PLXNA4: variants seen among roughly 807,000 people sequenced by gnomAD.
PLXNA4 encodes the protein plexin-A4.
A neutral mutation model predicts 191.8 loss-of-function variants in PLXNA4; 44 were observed. That is an observed-to-expected ratio of 0.23 (90% confidence interval 0.18 to 0.29). The LOEUF (loss-of-function observed/expected upper bound fraction) is 0.29. Among genes scored for constraint, PLXNA4 ranks in the 10% least tolerant of loss-of-function variants. The probability of loss-of-function intolerance (pLI) is 1.00; values close to 1 mark genes in which losing one functional copy is unlikely to be tolerated. For synonymous variants in PLXNA4, 1,082 were observed against 1,009.5 expected (o/e 1.07, Z -1.36); for missense variants, 1,800 against 2,488.8 (o/e 0.72, Z 5.89).
At chr7:132,281,852 C>G (rs1216097172) in intron 4 of PLXNA4, among the ~76,000 whole-genome samples, 1 of 152,126 alleles carries the variant, frequency 6.6e-6, no homozygotes, top group Admixed American at 6.6e-5. Context: ...CTGTGTTGTA[C>G]AAAAAATTTC....
At chr7:132,371,342 G>T (rs1804431139) in intron 3 of PLXNA4, among the ~76,000 whole-genome samples, 1 of 152,162 alleles carries the variant, frequency 6.6e-6, no homozygotes, top group Admixed American at 6.5e-5. Flanking sequence ...GATGGCCCAA[G>T]ACCCTCAAAG....
Position 132,385,077 on chromosome 7 carries a change from A to G in PLXNA4, c.1372-86855T>C. On this transcript the variant is annotated intron_variant, in intron 3 of 31. Coordinates refer to ENST00000321063, the MANE Select transcript of PLXNA4 (RefSeq NM_020911.2). ...GACTTGGGGTGGCAGGACATGAGCT[A>G]TGATGTATGGCTGGGGTCACAGGGA... 16 of 1,536,912 alleles carry G rather than the reference A, an allele frequency of 1.0e-5. No homozygotes were observed. The South Asian group carries it at 1.1e-4, about 10-fold the overall frequency.
At chr7:132,268,217 C>A (rs796756824) in intron 4 of PLXNA4, among the ~76,000 whole-genome samples, 21 of 152,258 alleles carry the variant, frequency 1.4e-4, no homozygotes, top group African/African-American at 5.1e-4. Flanking sequence ...AGCTCCCTAA[C>A]CTGTCATGAC....
chr7:132,149,709 T>C (rs1795539161), intron 25 of PLXNA4, among the ~76,000 whole-genome samples: 1 of 152,232 alleles, frequency 6.6e-6, no homozygotes, highest in African/African-American at 2.4e-5. Flanking sequence ...CAAAGAATGC[T>C]GGGCTCGTTC....
chr7:132,477,375 G>T (rs767447627), intron 3 of PLXNA4, among the ~76,000 whole-genome samples: 3 of 152,140 alleles, frequency 2.0e-5, no homozygotes, highest in Non-Finnish European at 4.4e-5. Context: ...ACCACGGCAC[G>T]GTTCTGCCAT....
At position 132,146,516 on chromosome 7, in the gene PLXNA4, G is replaced by A. The variant is rs574932804; in HGVS notation, c.5049C>T (p.Ala1683=). The stretch of plus-strand genomic sequence containing the variant: ...CAGTTCTCAAGTCTGATACCTTAGT[G>A]GCCAGGAGTCGGGTCAGGTAGATTT... ...VSEIYLTRLL[A]TKGTLQKFVD... The change falls in exon 28 of 32, where the codon GCC becomes GCT. Residue 1683 remains alanine (A), a synonymous_variant. Coordinates refer to ENST00000321063, the MANE Select transcript of PLXNA4 (RefSeq NM_020911.2). The A allele has an allele frequency of 6.2e-7, 1 of 1,614,130 alleles. No individual in the cohort carries two copies. The highest frequency in any genetic ancestry group is 1.3e-5 in the African/African-American group (1 of 75,018).
At chr7:132,320,011 C>A (rs770423984) in intron 3 of PLXNA4, among the ~76,000 whole-genome samples, 1 of 152,242 alleles carries the variant, frequency 6.6e-6, no homozygotes, top group Non-Finnish European at 1.5e-5. Context: ...AGTCAAGCAA[C>A]CTGGAGCTGC....
chr7:132,214,944 G>T (rs532292553), intron 9 of PLXNA4, among the ~76,000 whole-genome samples: 1 of 152,088 alleles, frequency 6.6e-6, no homozygotes, highest in African/African-American at 2.4e-5. Flanking sequence ...TCTGGTCCGG[G>T]GTGAGTGGAC....
chr7:132,210,759 C>T (rs117983026), intron 10 of PLXNA4, among the ~76,000 whole-genome samples, 184 bp downstream of exon 10: 1 of 152,200 alleles, frequency 6.6e-6, no homozygotes, highest in Non-Finnish European at 1.5e-5. Context: ...CAGAACCCAG[C>T]ACGCTGCTGG....
At chr7:132,359,498 T>G (rs1174410501) in intron 3 of PLXNA4, among the ~76,000 whole-genome samples, 1 of 152,256 alleles carries the variant, frequency 6.6e-6, no homozygotes, top group Admixed American at 6.5e-5. Flanking sequence ...ATTACAGGCA[T>G]GAGCTACCGT....
chr7:132,346,422 A>T (rs533494903), intron 3 of PLXNA4, among the ~76,000 whole-genome samples: 1 of 152,342 alleles, frequency 6.6e-6, no homozygotes, highest in East Asian at 1.9e-4. Flanking sequence ...AAGCAAAAAT[A>T]AAACCCAGGT....
At chr7:132,501,605 C>A (rs1476849733) in intron 2 of PLXNA4, among the ~76,000 whole-genome samples, 2 of 152,200 alleles carry the variant, frequency 1.3e-5, no homozygotes, top group African/African-American at 4.8e-5. Flanking sequence ...ACCTGTCACA[C>A]AAAGCACCAT....
intron 4 of PLXNA4, chr7:132,271,096 C>T (rs986080047): frequency 2.0e-5 from 3 of 152,114 alleles, no homozygotes; most frequent in Admixed American, 6.5e-5. Flanking sequence ...GACCATTCAG[C>T]TCTTTTCCCC....
intron 2 of PLXNA4, among the ~76,000 whole-genome samples, chr7:132,603,621 G>T (rs1349546638): frequency 6.6e-6 from 1 of 152,176 alleles, no homozygotes; most frequent in African/African-American, 2.4e-5. Context: ...ACTGCTGAAA[G>T]TACAGATTCT....
intron 3 of PLXNA4, among the ~76,000 whole-genome samples, chr7:132,461,711 C>G (rs893478713): frequency 6.6e-6 from 1 of 152,210 alleles, no homozygotes; most frequent in African/African-American, 2.4e-5. Flanking sequence ...CAAAATCCAA[C>G]GGGCCTCAGG....
intron 3 of PLXNA4, among the ~76,000 whole-genome samples, chr7:132,344,730 G>A (rs575491817): frequency 1.3e-5 from 2 of 152,196 alleles, no homozygotes; most frequent in Non-Finnish European, 2.9e-5. Context: ...CTTTGTCCTC[G>A]AAGTGTTGTC....
chr7:132,452,789 C>T (rs1305919557), intron 3 of PLXNA4, among the ~76,000 whole-genome samples: 3 of 152,214 alleles, frequency 2.0e-5, no homozygotes, highest in African/African-American at 7.2e-5. Context: ...AGCTGCAAGA[C>T]AGCTCCCAAG....
chr7:132,268,815 G>A (rs1390364310), intron 4 of PLXNA4, among the ~76,000 whole-genome samples: 1 of 152,120 alleles, frequency 6.6e-6, no homozygotes, highest in Non-Finnish European at 1.5e-5. Context: ...GTCAACTGCT[G>A]GCCTTCCTGG....
At chr7:132,186,810 C>T (rs79780519) in intron 15 of PLXNA4, among the ~76,000 whole-genome samples, 11,445 of 152,168 alleles carry the variant, frequency 0.075, 757 homozygotes, top group African/African-American at 0.18. Context: ...ATGATAACAG[C>T]CTTTTCCTGA....
Sources: allele counts gnomAD v4.1 joint callset (sites outside exome capture counted in the v4.1 genomes callset), GRCh38; gene constraint gnomAD v4.1.1; transcripts MANE v1.5; gene names NCBI Gene and HGNC (gene_info 2026-07-23, HGNC 2026-07-21).